The following LRP1B variants were observed in gnomAD, a reference collection of about 807,000 sequenced individuals.
LRP1B encodes the protein LDL receptor related protein 1B, also known as low-density lipoprotein receptor-related protein 1B.
LRP1B carries 217 observed loss-of-function variants against 556.6 expected under a neutral mutation model. That is an observed-to-expected ratio of 0.39 (90% CI 0.35 to 0.44). LRP1B has a LOEUF of 0.44. Among genes scored for constraint, LRP1B ranks in the 20% least tolerant of loss-of-function variants. LRP1B has a pLI of 1.00. For missense variants in LRP1B, 5,053 were observed against 5,620.8 expected, an observed-to-expected ratio of 0.90 and a Z score of 3.23; for synonymous variants, 2,047 against 1,865.8, an observed-to-expected ratio of 1.10 and a Z score of -2.50.
intron 1 of LRP1B, among the ~76,000 whole-genome samples, chr2:142,011,267 T>C (rs1050439529): frequency 6.6e-6 from 1 of 152,168 alleles, no homozygotes; most frequent in African/African-American, 2.4e-5. Context: ...CAAAAATCTT[T>C]GAAAAAGTGG....
intron 41 of LRP1B, among the ~76,000 whole-genome samples, chr2:140,640,645 A>C (rs1229690752): frequency 6.6e-6 from 1 of 151,512 alleles, no homozygotes; most frequent in Non-Finnish European, 1.5e-5. Flanking sequence ...GGCCTCCCAA[A>C]GTGCTGGGAT....
chr2:141,186,406 G>GA (rs1681261493), intron 7 of LRP1B, among the ~76,000 whole-genome samples: 2 of 151,904 alleles, frequency 1.3e-5, no homozygotes, highest in Non-Finnish European at 2.9e-5. Context: ...GAAGATAAAG[G>GA]AAAAATCTCC....
At chr2:140,538,803 G>A (rs1433186894) in intron 45 of LRP1B, among the ~76,000 whole-genome samples, 1 of 133,524 alleles carries the variant, frequency 7.5e-6, no homozygotes, top group African/African-American at 2.7e-5. Flanking sequence ...ATTATTTACT[G>A]TGTATTTTCC....
chr2:141,855,345 A>G (rs1698016891), intron 1 of LRP1B, among the ~76,000 whole-genome samples: 1 of 152,164 alleles, frequency 6.6e-6, no homozygotes, highest in Admixed American at 6.6e-5. Flanking sequence ...AATTAAGAAA[A>G]TGAAATTGAA....
intron 6 of LRP1B, among the ~76,000 whole-genome samples, chr2:141,209,529 T>C (rs147880250): frequency 6.6e-6 from 1 of 152,296 alleles, no homozygotes; most frequent in African/African-American, 2.4e-5. Flanking sequence ...AGCTTAACAA[T>C]GTTTAATAGG....
chr2:140,703,661 T>A (rs935014503), intron 37 of LRP1B, among the ~76,000 whole-genome samples: 2 of 152,138 alleles, frequency 1.3e-5, no homozygotes, highest in African/African-American at 4.8e-5. Context: ...TAGTACCTAA[T>A]GGGTAGTTCC....
intron 86 of LRP1B, among the ~76,000 whole-genome samples, chr2:140,256,915 T>G (rs867710485): frequency 7.0e-6 from 1 of 143,530 alleles, no homozygotes; most frequent in African/African-American, 3.0e-5. Context: ...ATATTAAATT[T>G]AAAAAGTGTA....
chr2:142,000,853 G>T (rs998211554), intron 1 of LRP1B, among the ~76,000 whole-genome samples: 1 of 151,890 alleles, frequency 6.6e-6, no homozygotes, highest in Non-Finnish European at 1.5e-5. Context: ...GAGAACTGAA[G>T]CTAAATTTTG....
At chr2:142,058,581 AG>A (rs1476378993) in intron 1 of LRP1B, among the ~76,000 whole-genome samples, 1 of 152,026 alleles carries the variant, frequency 6.6e-6, no homozygotes, top group Admixed American at 6.6e-5. Flanking sequence ...TGCTATCGTT[AG>A]TGTGAATGTA....
intron 1 of LRP1B, among the ~76,000 whole-genome samples, chr2:141,958,238 A>T (rs976944091): frequency 2.0e-5 from 3 of 152,020 alleles, no homozygotes; most frequent in African/African-American, 7.2e-5. Context: ...TGTTCAGAAG[A>T]CAGTCCTGGT....
intron 27 of LRP1B, among the ~76,000 whole-genome samples, chr2:140,856,232 C>G (rs1692613756): frequency 6.6e-6 from 1 of 152,182 alleles, no homozygotes; most frequent in African/African-American, 2.4e-5. Flanking sequence ...TACTTTTCTT[C>G]CCCTAGAATT....
At chr2:140,834,142 T>G (rs912401874) in intron 31 of LRP1B, among the ~76,000 whole-genome samples, 3 of 152,240 alleles carry the variant, frequency 2.0e-5, no homozygotes, top group African/African-American at 4.8e-5. Flanking sequence ...AGTCTGAAAT[T>G]TTTATATAAT....
intron 7 of LRP1B, among the ~76,000 whole-genome samples, chr2:141,064,195 T>G (rs761895003): frequency 1.3e-5 from 2 of 151,790 alleles, no homozygotes; most frequent in South Asian, 2.1e-4. Context: ...GAATAAAAAA[T>G]CGAGTGGCTG....
intron 41 of LRP1B, among the ~76,000 whole-genome samples, chr2:140,620,729 CATGTT>C (rs970730225): frequency 2.0e-5 from 3 of 151,882 alleles, no homozygotes; most frequent in East Asian, 1.9e-4. Context: ...TAAATATTTA[CATGTT>C]ATAAGTTATG....
intron 7 of LRP1B, among the ~76,000 whole-genome samples, chr2:141,110,908 G>C (rs1314861399): frequency 6.6e-6 from 1 of 152,020 alleles, no homozygotes; most frequent in Non-Finnish European, 1.5e-5. Flanking sequence ...GCTTTAAGTG[G>C]GTCCCCACAC....
chr2:140,700,143 T>C, intron 41 of LRP1B, 107 bp downstream of exon 41: 3 of 1,031,920 alleles, frequency 2.9e-6, no homozygotes, highest in Non-Finnish European at 4.2e-6. Flanking sequence ...TTCCTGAATA[T>C]AAAATCTAGG....
At chr2:141,547,336 G>T (rs1685590719) in intron 2 of LRP1B, among the ~76,000 whole-genome samples, 1 of 152,086 alleles carries the variant, frequency 6.6e-6, no homozygotes, top group African/African-American at 2.4e-5. Flanking sequence ...ATTTTTAAAA[G>T]CTCTTGCAGC....
intron 2 of LRP1B, among the ~76,000 whole-genome samples, chr2:141,519,867 A>G (rs961289341): frequency 6.6e-6 from 1 of 152,128 alleles, no homozygotes; most frequent in Non-Finnish European, 1.5e-5. Flanking sequence ...GCCTTTTTAC[A>G]CTGGATGATC....
intron 20 of LRP1B, 98 bp downstream of exon 20, chr2:140,950,137 G>T: frequency 1.1e-6 from 1 of 879,806 alleles, no homozygotes. Flanking sequence ...TGCCTAATAA[G>T]CAATTTCTTT....
Sources: allele counts gnomAD v4.1 joint callset (sites outside exome capture counted in the v4.1 genomes callset), GRCh38; gene constraint gnomAD v4.1.1; transcripts MANE v1.5; gene names NCBI Gene and HGNC (gene_info 2026-07-23, HGNC 2026-07-21).